Variants in ANKH observed in about 807,000 individuals in gnomAD.
The protein encoded by ANKH is mineralization regulator ANKH.
Under a neutral mutation model 49.0 loss-of-function variants are expected in ANKH, and 15 were observed. The observed-to-expected ratio is 0.31, with a 90% CI of 0.20 to 0.47. The LOEUF is 0.47. ANKH is among the 20% of genes least tolerant of loss of function. ANKH has a pLI of 1.00. For missense variants in ANKH, 429 were observed against 652.0 expected, an observed-to-expected ratio of 0.66 and a Z score of 3.72; for synonymous variants, 273 against 260.0, an observed-to-expected ratio of 1.05 and a Z score of -0.48.
intron 1 of ANKH, among the ~76,000 whole-genome samples, chr5:14,811,255 A>T (rs981659885): frequency 6.6e-6 from 1 of 152,198 alleles, no homozygotes; most frequent in Non-Finnish European, 1.5e-5. Flanking sequence ...CATACACGAT[A>T]AAAAGACAGT....
At chr5:14,746,013 CCAGGAGCTA>C in intron 6 of ANKH, 51 bp from the exon 7 acceptor site, 8 of 1,483,418 alleles carry the variant, frequency 5.4e-6, no homozygotes, top group Non-Finnish European at 7.5e-6. Context: ...AGGAAGTCCT[CCAGGAGCTA>C]CAGTAGGTGA....
intron 1 of ANKH, among the ~76,000 whole-genome samples, chr5:14,778,175 C>T (rs1023345674): frequency 2.0e-5 from 3 of 152,178 alleles, no homozygotes; most frequent in Admixed American, 2.0e-4. Flanking sequence ...TCCTGATCCT[C>T]GCAGTCCTGG....
chr5:14,839,046 T>G (rs765879354), intron 1 of ANKH, among the ~76,000 whole-genome samples: 14 of 152,238 alleles, frequency 9.2e-5, no homozygotes, highest in Non-Finnish European at 1.6e-4. Context: ...AAAGTGATTT[T>G]GACCCAGTTA....
At chr5:14,759,974 T>C (rs1739025961) in intron 2 of ANKH, among the ~76,000 whole-genome samples, 1 of 152,092 alleles carries the variant, frequency 6.6e-6, no homozygotes. Flanking sequence ...CTTACAACTA[T>C]GGATATTAGA....
chr5:14,870,456 A>G (rs920981820), intron 1 of ANKH: 3 of 152,252 alleles, frequency 2.0e-5, no homozygotes, highest in Admixed American at 1.3e-4. Flanking sequence ...GAAAGACAGT[A>G]CCACAATACA....
chr5:14,808,162 A>G (rs1489573827), intron 1 of ANKH, among the ~76,000 whole-genome samples: 1 of 152,072 alleles, frequency 6.6e-6, no homozygotes, highest in East Asian at 1.9e-4. Flanking sequence ...CAAAGGAAGG[A>G]AAAATCAGCC....
At position 14,745,449 on chromosome 5, in the gene ANKH, A is replaced by G. The variant is rs1738502497; in HGVS notation, c.915+421T>C. Among the ~76,000 whole-genome samples the G allele has an allele frequency of 6.6e-6, 1 of 152,108 alleles. No individual in the cohort carries two copies. The highest frequency in any genetic ancestry group is 1.5e-5 in the Non-Finnish European group (1 of 68,008). On this transcript the variant is annotated intron_variant, in intron 7 of 11. Coordinates refer to ENST00000284268, the MANE Select transcript of ANKH (RefSeq NM_054027.6). This position sits in a 1 kb window ranked among gnomAD's most constrained non-coding sequence, Gnocchi z 4.7. ...CTGTGGCCAACCTGAGCATGTAGGTAGGCCAGCCCACAGAAAGACAGCCAC... is the reference window on the plus strand; with the variant it reads ...CTGTGGCCAACCTGAGCATGTAGGTGGGCCAGCCCACAGAAAGACAGCCAC...
intron 8 of ANKH, among the ~76,000 whole-genome samples, chr5:14,721,065 TAGTG>T (rs1169397985): frequency 6.6e-6 from 1 of 152,182 alleles, no homozygotes; most frequent in Non-Finnish European, 1.5e-5. Flanking sequence ...GAGGACATGA[TAGTG>T]AGTGTGCCCA....
intron 8 of ANKH, among the ~76,000 whole-genome samples, chr5:14,721,735 C>T (rs1561024050): frequency 1.3e-5 from 2 of 151,898 alleles, no homozygotes; most frequent in Admixed American, 6.6e-5. Flanking sequence ...TCGAGACCAT[C>T]CTGGCTAACA....
chr5:14,817,006 A>G (rs17252590), intron 1 of ANKH, among the ~76,000 whole-genome samples: 5,269 of 152,320 alleles, frequency 0.035, 121 homozygotes, highest in Middle Eastern at 0.071. Flanking sequence ...ATCTGCTTCG[A>G]TGATCCCATA....
chr5:14,870,376 G>A (rs1406587546), intron 1 of ANKH: 2 of 152,122 alleles, frequency 1.3e-5, no homozygotes, highest in East Asian at 3.8e-4. Flanking sequence ...TTTACAATGA[G>A]TACTGCATCA....
intron 1 of ANKH, among the ~76,000 whole-genome samples, chr5:14,774,619 T>C (rs936338136): frequency 4.6e-5 from 7 of 152,130 alleles, no homozygotes; most frequent in African/African-American, 1.7e-4. Context: ...TAAGTTACTA[T>C]ACGTCCTTCA....
chr5:14,710,786 T>TA lies in ANKH; in HGVS notation c.*410dup, dbSNP rs1354603348. Reference sequence around the variant, plus strand: ...AGCCGAGTTTTAACCTGTTGATTCTTAAGAGCGATGAAGGGGGACAGGAGA... The same window carrying TA: ...AGCCGAGTTTTAACCTGTTGATTCTTAAAGAGCGATGAAGGGGGACAGGAGA... On this transcript the variant is annotated 3_prime_UTR_variant, in exon 12 of 12. Coordinates refer to ENST00000284268, the MANE Select transcript of ANKH (RefSeq NM_054027.6). 1 of 226,596 alleles carries TA rather than the reference T, an allele frequency of 4.4e-6. No homozygotes were observed. Among genetic ancestry groups the TA allele is most frequent in the African/African-American group, 2.3e-5 (1 of 43,764 alleles). 14.0% of individuals were successfully genotyped at this position (226,596 alleles called of 1,614,324 possible).
intron 8 of ANKH, among the ~76,000 whole-genome samples, chr5:14,722,892 T>G (rs909476557): frequency 1.3e-5 from 2 of 151,276 alleles, no homozygotes; most frequent in African/African-American, 2.4e-5. Flanking sequence ...AAGGTCAACA[T>G]CCACGCACAT....
intron 1 of ANKH, among the ~76,000 whole-genome samples, chr5:14,850,721 C>G (rs1742100109): frequency 6.6e-6 from 1 of 152,236 alleles, no homozygotes; most frequent in African/African-American, 2.4e-5. Context: ...CAAAGGCAAG[C>G]TGAGCAATCT....
chr5:14,760,764 C>T (rs1739049432), intron 2 of ANKH, among the ~76,000 whole-genome samples: 1 of 152,144 alleles, frequency 6.6e-6, no homozygotes, highest in Non-Finnish European at 1.5e-5. Context: ...GCTAAAATCC[C>T]CTGGTGAAGG....
chr5:14,721,603 C>T (rs1737661007), intron 8 of ANKH, among the ~76,000 whole-genome samples: 1 of 152,144 alleles, frequency 6.6e-6, no homozygotes, highest in Non-Finnish European at 1.5e-5. Context: ...CTTAGGTATA[C>T]ATATAACTTA....
In ANKH at chr5:14,711,234, ACCT is replaced by A. The variant is rs762299973; in HGVS notation, c.1439_1441del (p.Glu480del). ...CTCTCTCATTTCCACGATGTCTGTC[ACCT>A]CCTCTGTCGGAGGCATGTCTGTCAT... On this transcript the variant is annotated inframe_deletion, in exon 12 of 12. Transcript: ENST00000284268. 9 of 1,613,840 alleles carry A rather than the reference ACCT, an allele frequency of 5.6e-6. No homozygotes were observed. The highest frequency in any genetic ancestry group is 2.2e-5 in the South Asian group (2 of 91,066).
chr5:14,781,234 G>A (rs1739795600), intron 1 of ANKH, among the ~76,000 whole-genome samples: 1 of 152,162 alleles, frequency 6.6e-6, no homozygotes, highest in Non-Finnish European at 1.5e-5. Flanking sequence ...ACTCTGTTTA[G>A]CTAGAGCTTC....
Sources: allele counts gnomAD v4.1 joint callset (sites outside exome capture counted in the v4.1 genomes callset), GRCh38; gene constraint gnomAD v4.1.1; non-coding constraint Gnocchi (gnomAD v3.1); transcripts MANE v1.5; gene names NCBI Gene and HGNC (gene_info 2026-07-23, HGNC 2026-07-21).